Variants in SDK1 observed in about 807,000 individuals in gnomAD.
SDK1 encodes protein sidekick-1.
Under a neutral mutation model 245.5 loss-of-function variants are expected in SDK1, and 157 were observed. The ratio of observed to expected loss-of-function variants is 0.64; its 90% confidence interval spans 0.56 to 0.73. The LOEUF (loss-of-function observed/expected upper bound fraction) is 0.73, where lower values mean the gene tolerates loss of function less well. Among genes scored for constraint, SDK1 ranks in the 30% least tolerant of loss-of-function variants. SDK1 has a pLI of 0.00. For missense variants in SDK1, 3,583 were observed against 3,002.3 expected (o/e 1.19, Z -4.52); for synonymous variants, 1,647 against 1,278.5 (o/e 1.29, Z -6.15).
intron 1 of SDK1, among the ~76,000 whole-genome samples, chr7:3,542,277 T>C (rs559680273): frequency 6.6e-6 from 1 of 152,314 alleles, no homozygotes. Context: ...TGTAGATGTT[T>C]TACATATTAG....
chr7:3,497,971 A>G (rs1001538517), intron 1 of SDK1, among the ~76,000 whole-genome samples: 18 of 152,206 alleles, frequency 1.2e-4, no homozygotes, highest in African/African-American at 4.3e-4. Context: ...TGACCTTATC[A>G]CGGAGACAGC....
At chr7:3,956,250 A>G (rs1007585187) in intron 7 of SDK1, among the ~76,000 whole-genome samples, 10 of 152,106 alleles carry the variant, frequency 6.6e-5, no homozygotes, top group South Asian at 2.1e-4. Context: ...TATGCACAGG[A>G]TGACTCATTT....
intron 1 of SDK1, among the ~76,000 whole-genome samples, chr7:3,479,116 C>A (rs188637306): frequency 1.1e-4 from 16 of 152,208 alleles, no homozygotes; most frequent in African/African-American, 3.9e-4. Flanking sequence ...TTCACATTTG[C>A]ATAAGCATAT....
intron 5 of SDK1, among the ~76,000 whole-genome samples, chr7:3,895,589 G>T (rs1305791595): frequency 2.6e-5 from 4 of 152,184 alleles, no homozygotes; most frequent in Admixed American, 2.6e-4. Context: ...ACTCACGGAA[G>T]GACCCATGCC....
intron 5 of SDK1, among the ~76,000 whole-genome samples, chr7:3,897,126 C>T (rs1394961552): frequency 6.6e-6 from 1 of 152,214 alleles, no homozygotes; most frequent in Non-Finnish European, 1.5e-5. Flanking sequence ...TCCCACTAGG[C>T]CACTGCCACA....
Position 3,615,264 on chromosome 7 carries a change from A to G in SDK1, c.299-3816A>G, listed in dbSNP as rs1031027917. Among the ~76,000 whole-genome samples, 11 of 151,752 alleles carry G rather than the reference A, an allele frequency of 7.2e-5. 1 individual carries two copies. In the East Asian group the frequency reaches 7.7e-4, roughly 11 times the overall value. ...GTAGCTCAGTAAATCCCACAGGATC[A>G]AAGCTACCTCCATTGCAGTTCAGCT... On this transcript the variant is annotated intron_variant, in intron 1 of 44. Transcript: ENST00000404826.
intron 35 of SDK1, among the ~76,000 whole-genome samples, chr7:4,192,962 G>A (rs561543524): frequency 2.7e-5 from 4 of 147,496 alleles, no homozygotes; most frequent in African/African-American, 1.0e-4. Flanking sequence ...ATATGTATTA[G>A]GATTCTCTAG....
intron 1 of SDK1, among the ~76,000 whole-genome samples, chr7:3,331,344 A>G (rs993433994): frequency 2.6e-5 from 4 of 152,164 alleles, no homozygotes; most frequent in African/African-American, 7.2e-5. Flanking sequence ...CATGATCCTA[A>G]TAAGTGTGAA....
intron 1 of SDK1, among the ~76,000 whole-genome samples, chr7:3,479,670 T>A (rs1015148999): frequency 6.6e-6 from 1 of 151,922 alleles, no homozygotes; most frequent in African/African-American, 2.4e-5. Context: ...GAGACCAGCC[T>A]GGGCAACATA....
At chr7:4,224,252 C>A (rs193095877) in intron 40 of SDK1, among the ~76,000 whole-genome samples, 18 of 152,338 alleles carry the variant, frequency 1.2e-4, no homozygotes, top group Admixed American at 5.9e-4. Flanking sequence ...CACAGTTCTG[C>A]AGGCTGTACA....
intron 17 of SDK1, among the ~76,000 whole-genome samples, chr7:4,019,524 G>T (rs1242037044): frequency 7.9e-5 from 12 of 152,004 alleles, no homozygotes; most frequent in Non-Finnish European, 1.6e-4. Flanking sequence ...ACTAAATTAT[G>T]CATTGCTCTG....
At chr7:4,152,481 G>GA (rs943460315) in intron 30 of SDK1, among the ~76,000 whole-genome samples, 9 of 152,026 alleles carry the variant, frequency 5.9e-5, no homozygotes, top group South Asian at 2.1e-4. Flanking sequence ...CTAAAAGAAG[G>GA]AAAAAAAATA....
intron 1 of SDK1, among the ~76,000 whole-genome samples, chr7:3,608,138 A>G (rs1781479724): frequency 6.6e-6 from 1 of 152,252 alleles, no homozygotes; most frequent in Admixed American, 6.5e-5. Context: ...ACCTATGAGT[A>G]AAAACCAAAA....
At chr7:4,010,412 G>A (rs953689802) in intron 14 of SDK1, among the ~76,000 whole-genome samples, 2 of 152,174 alleles carry the variant, frequency 1.3e-5, no homozygotes, top group African/African-American at 2.4e-5. Flanking sequence ...TTCTAAGCTC[G>A]CTGTGAATTT....
chr7:3,873,926 A>G (rs1323019195), intron 5 of SDK1, among the ~76,000 whole-genome samples: 1 of 152,150 alleles, frequency 6.6e-6, no homozygotes, highest in Non-Finnish European at 1.5e-5. Context: ...TCCAAGATAC[A>G]TGTCATGTCT....
In SDK1 at chr7:3,408,527, C is replaced by G. The variant is rs1354264280; in HGVS notation, c.298+106643C>G. On this transcript the variant is annotated intron_variant, in intron 1 of 44. Coordinates refer to ENST00000404826, the MANE Select transcript of SDK1 (RefSeq NM_152744.4). The stretch of plus-strand genomic sequence containing the variant: ...AAATTTCATACAGCATGCCATTTGA[C>G]AAATTAATGAAGAAATATTTAATAC... 2.0e-5 allele frequency among the ~76,000 whole-genome samples: 3 copies of G among 152,084 alleles called. No homozygotes were observed. The East Asian group carries it at 5.8e-4, about 29-fold the overall frequency.
chr7:3,989,944 A>T (rs184258433), intron 14 of SDK1, among the ~76,000 whole-genome samples: 9 of 152,172 alleles, frequency 5.9e-5, no homozygotes, highest in Non-Finnish European at 1.2e-4. Context: ...TGGCGATGGG[A>T]GGGGAAGATG....
intron 25 of SDK1, among the ~76,000 whole-genome samples, 182 bp downstream of exon 25, chr7:4,114,456 G>T (rs1462481501): frequency 1.3e-5 from 2 of 152,112 alleles, no homozygotes; most frequent in Non-Finnish European, 2.9e-5. Context: ...ATTTCATTAG[G>T]GCCCCAAGCC....
chr7:3,303,887 G>C (rs1038011381), intron 1 of SDK1, among the ~76,000 whole-genome samples: 2 of 152,152 alleles, frequency 1.3e-5, no homozygotes, highest in Admixed American at 1.3e-4. Flanking sequence ...GGTCATATGT[G>C]CAGGAGTGCA....
Sources: gnomAD v4.1 joint callset for allele counts (sites outside exome capture counted in the v4.1 genomes callset) on GRCh38, gnomAD v4.1.1 for gene constraint, MANE v1.5 for transcripts, NCBI Gene and HGNC (gene_info 2026-07-23, HGNC 2026-07-21) for gene names.